Variants in DDX10 observed in about 807,000 individuals in gnomAD.
The protein encoded by DDX10 is DEAD-box helicase 10.
DDX10 carries 74 observed loss-of-function variants against 104.3 expected under a neutral mutation model. The observed-to-expected ratio is 0.71, with a 90% CI of 0.59 to 0.86. DDX10 has a LOEUF of 0.86. DDX10 is among the 40% of genes least tolerant of loss of function. The pLI is 0.00. For synonymous variants in DDX10, 351 were observed against 353.4 expected, an observed-to-expected ratio of 0.99 and a Z score of 0.08; for missense variants, 952 against 1,040.0, an observed-to-expected ratio of 0.92 and a Z score of 1.16.
rs200716727 is a variant in DDX10, at chr11:108,679,354, G to A, written c.659-17G>A. 2 of 1,577,730 alleles carry A rather than the reference G, an allele frequency of 1.3e-6. No homozygotes were observed. The highest frequency in any genetic ancestry group is 1.4e-5 in the African/African-American group (1 of 73,308). ...TATTTTACATATGATAGTTCAACTT[G>A]CATTTTCCTTTTTCAGTTCTTGATG... On this transcript the variant is annotated splice_polypyrimidine_tract_variant and intron_variant, in intron 5 of 17. Coordinates refer to ENST00000322536, the MANE Select transcript of DDX10 (RefSeq NM_004398.4).
chr11:108,765,178 C>T (rs777355984), intron 13 of DDX10, among the ~76,000 whole-genome samples: 3 of 152,128 alleles, frequency 2.0e-5, no homozygotes, highest in Non-Finnish European at 4.4e-5. Context: ...TACCCTGACT[C>T]TGAGGGAACA....
chr11:108,727,856 A>C, intron 13 of DDX10: 1 of 205,774 alleles, frequency 4.9e-6, no homozygotes, highest in Non-Finnish European at 1.0e-5. Flanking sequence ...GACACATAGA[A>C]AATACATGTG....
chr11:108,676,011 G>A (rs763794871), intron 3 of DDX10, among the ~76,000 whole-genome samples: 3 of 152,214 alleles, frequency 2.0e-5, no homozygotes, highest in Non-Finnish European at 4.4e-5. Context: ...GAGTGCTCCA[G>A]TATGGCAGGT....
At chr11:108,680,156 T>C (rs2094232652) in intron 6 of DDX10, among the ~76,000 whole-genome samples, 1 of 152,204 alleles carries the variant, frequency 6.6e-6, no homozygotes, top group African/African-American at 2.4e-5. Context: ...GAGCTTAAAG[T>C]ATATGTGTTA....
intron 16 of DDX10, among the ~76,000 whole-genome samples, chr11:108,873,638 C>T (rs1863112061): frequency 6.6e-6 from 1 of 152,082 alleles, no homozygotes; most frequent in Non-Finnish European, 1.5e-5. Flanking sequence ...TATAAAGAAT[C>T]TCAAATTTCT....
intron 13 of DDX10, among the ~76,000 whole-genome samples, chr11:108,837,183 A>G (rs1862566783): frequency 6.6e-6 from 1 of 152,208 alleles, no homozygotes; most frequent in Non-Finnish European, 1.5e-5. Context: ...GGTAGATACC[A>G]TTGGTGTCCT....
intron 13 of DDX10, among the ~76,000 whole-genome samples, chr11:108,761,869 G>A (rs1441606432): frequency 6.6e-6 from 1 of 152,048 alleles, no homozygotes; most frequent in Non-Finnish European, 1.5e-5. Flanking sequence ...TGCCATGGGA[G>A]ATGTATTAAG....
intron 17 of DDX10, among the ~76,000 whole-genome samples, chr11:108,925,943 A>C (rs1247778876): frequency 6.6e-6 from 1 of 152,156 alleles, no homozygotes; most frequent in Non-Finnish European, 1.5e-5. Flanking sequence ...TAAACTGTAA[A>C]ACTCCATTTT....
intron 16 of DDX10, among the ~76,000 whole-genome samples, chr11:108,901,788 C>A (rs1198199414): frequency 6.6e-6 from 1 of 151,954 alleles, no homozygotes; most frequent in Non-Finnish European, 1.5e-5. Context: ...TAGGAATAAC[C>A]AAAATGTTTT....
intron 15 of DDX10, among the ~76,000 whole-genome samples, chr11:108,845,011 A>G: frequency 6.6e-6 from 1 of 152,108 alleles, no homozygotes; most frequent in East Asian, 1.9e-4. Flanking sequence ...CCTGGCTAAC[A>G]CAGTGAAACC....
chr11:108,894,003 G>A (rs1330164812), intron 16 of DDX10, among the ~76,000 whole-genome samples: 3 of 151,986 alleles, frequency 2.0e-5, no homozygotes, highest in African/African-American at 7.2e-5. Context: ...TTCCCCTATC[G>A]AAGTCCACTT....
At chr11:108,741,174 G>A (rs2094324765) in intron 13 of DDX10, among the ~76,000 whole-genome samples, 1 of 151,902 alleles carries the variant, frequency 6.6e-6, no homozygotes, top group Non-Finnish European at 1.5e-5. Flanking sequence ...CATCTGTTTT[G>A]GTACTAGTAC....
chr11:108,739,284 A>G (rs1240111688), intron 13 of DDX10, among the ~76,000 whole-genome samples: 1 of 152,212 alleles, frequency 6.6e-6, no homozygotes, highest in Non-Finnish European at 1.5e-5. Flanking sequence ...AATGATGAAC[A>G]TGAATTCCAG....
chr11:108,811,876 G>A (rs1862186636), intron 13 of DDX10, among the ~76,000 whole-genome samples: 1 of 103,476 alleles, frequency 9.7e-6, no homozygotes, highest in Non-Finnish European at 2.2e-5. Flanking sequence ...CAGGAAAGGG[G>A]AATTAATTAT....
chr11:108,759,100 C>T (rs2094347759), intron 13 of DDX10, among the ~76,000 whole-genome samples: 1 of 151,976 alleles, frequency 6.6e-6, no homozygotes, highest in Admixed American at 6.6e-5. Flanking sequence ...TTCAATTGTT[C>T]TGGGTTCTGC....
intron 13 of DDX10, among the ~76,000 whole-genome samples, chr11:108,775,978 T>A (rs907323407): frequency 6.6e-6 from 1 of 152,230 alleles, no homozygotes; most frequent in African/African-American, 2.4e-5. Flanking sequence ...GACGTATCAG[T>A]AGGTACTTCA....
At chr11:108,861,167 G>A (rs1352247200) in intron 16 of DDX10, among the ~76,000 whole-genome samples, 1 of 151,570 alleles carries the variant, frequency 6.6e-6, no homozygotes, top group African/African-American at 2.4e-5. Context: ...AGAAAAATGT[G>A]TAAAGGAGAG....
chr11:108,768,028 CTTTCTTAATAACATTTTCT>C (rs1266865952), intron 13 of DDX10: 1 of 152,224 alleles, frequency 6.6e-6, no homozygotes, highest in Non-Finnish European at 1.5e-5. Flanking sequence ...TTCCATATGA[CTTTCTTAATAACATTTTCT>C]TTTCTCTAGC....
intron 13 of DDX10, among the ~76,000 whole-genome samples, chr11:108,728,608 A>G (rs1264320901): frequency 6.8e-6 from 1 of 146,712 alleles, no homozygotes; most frequent in Admixed American, 6.9e-5. Context: ...CCAAACTCCC[A>G]GGCCCAAGCG....
Sources: allele counts gnomAD v4.1 joint callset (sites outside exome capture counted in the v4.1 genomes callset), GRCh38; gene constraint gnomAD v4.1.1; transcripts MANE v1.5; gene names NCBI Gene and HGNC (gene_info 2026-07-23, HGNC 2026-07-21).